CADM1: variants seen among roughly 807,000 people sequenced by gnomAD.
CADM1 encodes cell adhesion molecule 1, also known as TSLC-1.
Under a neutral mutation model 53.1 loss-of-function variants are expected in CADM1, and 15 were observed. That is an observed-to-expected ratio of 0.28 (90% CI 0.19 to 0.44). CADM1 has a LOEUF of 0.44. CADM1 is among the 20% of genes least tolerant of loss of function. The pLI, the probability that CADM1 is intolerant of heterozygous loss-of-function variation, is 1.00. For missense variants in CADM1, 434 were observed against 611.3 expected, an observed-to-expected ratio of 0.71 and a Z score of 3.06; for synonymous variants, 281 against 243.0, an observed-to-expected ratio of 1.16 and a Z score of -1.45.
chr11:115,405,394 G>A (rs926181857), intron 1 of CADM1, among the ~76,000 whole-genome samples: 1 of 152,220 alleles, frequency 6.6e-6, no homozygotes, highest in African/African-American at 2.4e-5. Flanking sequence ...TACCAGCCAT[G>A]AGCACAATCA....
At chr11:115,378,527 T>A (rs922493252) in intron 1 of CADM1, among the ~76,000 whole-genome samples, 3 of 151,894 alleles carry the variant, frequency 2.0e-5, no homozygotes, top group Non-Finnish European at 1.5e-5. Context: ...AATATATAAA[T>A]AAGAAAACTA....
At chr11:115,351,926 C>T (rs1352137732) in intron 1 of CADM1, among the ~76,000 whole-genome samples, 1 of 152,098 alleles carries the variant, frequency 6.6e-6, no homozygotes, top group African/African-American at 2.4e-5. Flanking sequence ...TAGGAAGCTT[C>T]CTCAGTTAAT....
At chr11:115,190,730 G>A in intron 10 of CADM1, 158 bp downstream of exon 10, 2 of 581,368 alleles carry the variant, frequency 3.4e-6, no homozygotes, top group Non-Finnish European at 6.1e-6. Flanking sequence ...CAGGTGAGTG[G>A]GTGACCGGGG....
At chr11:115,183,812 C>T (rs772520451) in intron 10 of CADM1, among the ~76,000 whole-genome samples, 2 of 152,236 alleles carry the variant, frequency 1.3e-5, no homozygotes, top group African/African-American at 2.4e-5. Context: ...CTCATTTTTA[C>T]GTTTAAGCCA....
chr11:115,443,922 T>A (rs1480111231), intron 1 of CADM1, among the ~76,000 whole-genome samples: 2 of 152,202 alleles, frequency 1.3e-5, no homozygotes, highest in Non-Finnish European at 2.9e-5. Flanking sequence ...TTTTTCAGTA[T>A]CACTTTAAGG....
At position 115,172,135 on chromosome 11, in the gene CADM1, C is replaced by T. The variant is rs895044343; in HGVS notation, c.*4339G>A. The T allele has an allele frequency of 1.3e-5, 2 of 152,306 alleles. No homozygotes were observed. The highest frequency in any genetic ancestry group is 2.4e-5 in the African/African-American group (1 of 41,456). The allele number at this position is 152,306 out of a possible 1,614,324, so 9.4% of individuals were successfully genotyped here. On this transcript the variant is annotated 3_prime_UTR_variant, in exon 12 of 12. Transcript: ENST00000331581. ...CTGAAGCCAGGTAGGCTGGGCTACT[C>T]ACCCGAGGTTTCACTGCTACATGGT... is the stretch of plus-strand genomic sequence containing the variant.
intron 1 of CADM1, among the ~76,000 whole-genome samples, chr11:115,446,484 A>T (rs1346311956): frequency 6.6e-6 from 1 of 152,180 alleles, no homozygotes; most frequent in Non-Finnish European, 1.5e-5. Flanking sequence ...TTAAACTAGA[A>T]ATAGGCACTG....
intron 1 of CADM1, among the ~76,000 whole-genome samples, chr11:115,298,021 G>GAT (rs1344531433): frequency 6.6e-6 from 1 of 152,198 alleles, no homozygotes; most frequent in Non-Finnish European, 1.5e-5. Context: ...TCATCACACA[G>GAT]AGGCAGAATA....
chr11:115,233,892 G>A (rs1941916899), intron 3 of CADM1, among the ~76,000 whole-genome samples: 3 of 152,216 alleles, frequency 2.0e-5, no homozygotes, highest in African/African-American at 7.2e-5. Context: ...AATGGCTAAA[G>A]CCACTGGCAA....
chr11:115,415,778 T>C (rs1401280139), intron 1 of CADM1, among the ~76,000 whole-genome samples: 5 of 136,458 alleles, frequency 3.7e-5, no homozygotes, highest in African/African-American at 8.4e-5. Flanking sequence ...AGAGCTGAGA[T>C]TGCTCCACTG....
rs968334160 is a variant in CADM1, at chr11:115,169,544, G to T, written c.*6930C>A. On this transcript the variant is annotated 3_prime_UTR_variant, in exon 12 of 12. Transcript: ENST00000331581. ...GGCATTTTCCCTTCCTTGTCCAAAC[G>T]ATAAAAGATTCATGTTCCTAATTGC... The T allele has an allele frequency of 2.2e-6, 1 of 453,998 alleles. No individual in the cohort carries two copies. Among genetic ancestry groups the T allele is most frequent in the African/African-American group, 2.0e-5 (1 of 49,922 alleles). 28.1% of individuals were successfully genotyped at this position (453,998 alleles called of 1,614,324 possible). A position where few individuals can be genotyped will look rare whatever the true frequency, so the allele number is the denominator to read the frequency against.
chr11:115,294,905 G>C (rs1944008324), intron 1 of CADM1, among the ~76,000 whole-genome samples: 1 of 152,186 alleles, frequency 6.6e-6, no homozygotes, highest in South Asian at 2.1e-4. Context: ...GGGCATGGTG[G>C]CATGCACCTG....
At chr11:115,455,945 G>A (rs1408859386) in intron 1 of CADM1, among the ~76,000 whole-genome samples, 6 of 152,176 alleles carry the variant, frequency 3.9e-5, no homozygotes, top group Non-Finnish European at 8.8e-5. Context: ...GAGAAGTGGA[G>A]CCTTTCATGC....
At chr11:115,379,446 T>C (rs1946521484) in intron 1 of CADM1, among the ~76,000 whole-genome samples, 1 of 152,196 alleles carries the variant, frequency 6.6e-6, no homozygotes, top group African/African-American at 2.4e-5. Context: ...TGGAGTTACA[T>C]TTTAGAAGAC....
Position 115,277,016 on chromosome 11 carries a change from G to A in CADM1, c.125-36596C>T, listed in dbSNP as rs1016525597. On this transcript the variant is annotated intron_variant, in intron 1 of 11. Coordinates refer to ENST00000331581, the MANE Select transcript of CADM1 (RefSeq NM_001301043.2). ...AACAAGATTGCATCCAGTAAATTGC[G>A]AGCCCGAGGGCAAAATACAGAATGG... 3.3e-5 allele frequency among the ~76,000 whole-genome samples: 5 copies of A among 152,238 alleles called. No homozygotes were observed. The East Asian group carries it at 9.6e-4, about 29-fold the overall frequency.
chr11:115,459,291 C>T (rs1948745311), intron 1 of CADM1, among the ~76,000 whole-genome samples: 1 of 152,096 alleles, frequency 6.6e-6, no homozygotes, highest in Non-Finnish European at 1.5e-5. Flanking sequence ...CGTGTGTTCT[C>T]CCCACCCAAC....
chr11:115,311,369 A>G (rs1319905904), intron 1 of CADM1, among the ~76,000 whole-genome samples: 1 of 152,140 alleles, frequency 6.6e-6, no homozygotes, highest in East Asian at 1.9e-4. Context: ...TCCACAAAAT[A>G]TAATCATCCC....
intron 1 of CADM1, among the ~76,000 whole-genome samples, chr11:115,317,605 T>C (rs1257888478): frequency 2.6e-5 from 4 of 152,188 alleles, no homozygotes; most frequent in Admixed American, 2.6e-4. Flanking sequence ...CTAATGACTG[T>C]TCTTCATCAT....
chr11:115,469,580 G>T (rs1271862425), intron 1 of CADM1, among the ~76,000 whole-genome samples: 1 of 151,632 alleles, frequency 6.6e-6, no homozygotes, highest in East Asian at 1.9e-4. Context: ...AAACTACTCT[G>T]CTACTTGGTT....
Sources: allele counts gnomAD v4.1 joint callset (sites outside exome capture counted in the v4.1 genomes callset), GRCh38; gene constraint gnomAD v4.1.1; transcripts MANE v1.5; gene names NCBI Gene and HGNC (gene_info 2026-07-23, HGNC 2026-07-21).